TRMT11: variants seen among roughly 807,000 people sequenced by gnomAD.
The protein encoded by TRMT11 is tRNA (guanine(10)-N(2))-methyltransferase TRMT11.
Under a neutral mutation model 62.8 loss-of-function variants are expected in TRMT11, and 53 were observed. The ratio of observed to expected loss-of-function variants is 0.84; its 90% confidence interval spans 0.68 to 1.06. The LOEUF is 1.06. Among genes scored for constraint, TRMT11 ranks in the 50% least tolerant of loss-of-function variants. The probability of loss-of-function intolerance (pLI) is 0.00; values close to 1 mark genes in which losing one functional copy is unlikely to be tolerated. For missense variants in TRMT11, 556 were observed against 553.4 expected (o/e 1.00, Z -0.05); for synonymous variants, 188 against 190.3 (o/e 0.99, Z 0.10).
At chr6:126,002,216 A>G (rs1258700566) in intron 7 of TRMT11, among the ~76,000 whole-genome samples, 1 of 152,208 alleles carries the variant, frequency 6.6e-6, no homozygotes, top group Non-Finnish European at 1.5e-5. Flanking sequence ...ATGTAAGTGC[A>G]TGTGCAAATA....
At chr6:126,069,156 C>G (rs1297191238) in intron 17 of TRMT11, among the ~76,000 whole-genome samples, 1 of 152,240 alleles carries the variant, frequency 6.6e-6, no homozygotes, top group Non-Finnish European at 1.5e-5. Flanking sequence ...CTTGGCTTTG[C>G]CTTAACCACC....
At chr6:126,099,376 A>G (rs891747441) in intron 17 of TRMT11, among the ~76,000 whole-genome samples, 8 of 152,214 alleles carry the variant, frequency 5.3e-5, no homozygotes, top group East Asian at 1.9e-4. Flanking sequence ...TAGTGCATCA[A>G]TCAAAATTTG....
chr6:126,027,027 C>T (rs964104935), intron 12 of TRMT11, among the ~76,000 whole-genome samples: 2 of 151,744 alleles, frequency 1.3e-5, no homozygotes, highest in African/African-American at 2.4e-5. Context: ...AGGATGGTCT[C>T]GATTTCCTGA....
At chr6:126,263,334 T>G in the TRMT11 span, among the ~76,000 whole-genome samples, 1 of 152,358 alleles carries the variant, frequency 6.6e-6, no homozygotes, top group Non-Finnish European at 1.5e-5. Context: ...TCTCCATCGC[T>G]AAGTCTAAAA....
intron 3 of TRMT11, among the ~76,000 whole-genome samples, chr6:125,997,510 G>A (rs772780110): frequency 6.0e-4 from 92 of 152,350 alleles, no homozygotes; most frequent in Middle Eastern, 6.8e-3. Flanking sequence ...GTGTCCATAC[G>A]TGCGCACGCA....
At chr6:126,154,287 G>A (rs1006900967) in intron 21 of TRMT11, among the ~76,000 whole-genome samples, 6 of 151,756 alleles carry the variant, frequency 4.0e-5, no homozygotes, top group African/African-American at 1.5e-4. Flanking sequence ...TTTTATGATG[G>A]TGTTGTCCTG....
At chr6:126,217,979 A>C in the TRMT11 span, among the ~76,000 whole-genome samples, 1 of 151,260 alleles carries the variant, frequency 6.6e-6, no homozygotes, top group Non-Finnish European at 1.5e-5. Context: ...TGTCCTTCCC[A>C]CTCTTCCCTC....
At chr6:126,239,515 T>G in the TRMT11 span, among the ~76,000 whole-genome samples, 1 of 152,198 alleles carries the variant, frequency 6.6e-6, no homozygotes, top group East Asian at 1.9e-4. Context: ...TTCTTTTCTT[T>G]AAGAATGTTG....
chr6:126,109,211 C>G (rs1777498748), intron 17 of TRMT11, among the ~76,000 whole-genome samples: 1 of 152,134 alleles, frequency 6.6e-6, no homozygotes, highest in Non-Finnish European at 1.5e-5. Context: ...ATCTAAAGTA[C>G]AAACTTGTAT....
chr6:126,014,139 A>G (rs1274532601), intron 11 of TRMT11, among the ~76,000 whole-genome samples: 1 of 152,238 alleles, frequency 6.6e-6, no homozygotes, highest in Non-Finnish European at 1.5e-5. Flanking sequence ...ACAAGATGGA[A>G]TGTTTAAATT....
chr6:126,194,136 A>C lies in TRMT11; in HGVS notation n.144-4663A>C, dbSNP rs1778637661. 1.3e-5 allele frequency among the ~76,000 whole-genome samples: 2 copies of C among 152,172 alleles called. 1 individual carries two copies. The highest frequency in any genetic ancestry group is 4.1e-4 in the South Asian group (2 of 4,830). The stretch of plus-strand genomic sequence containing the variant: ...CCATGTGCTGAAGAGAAGTTGGATG[A>C]AGTGGTCTGTAAATGTATGTTAGGT... On this transcript the variant is annotated intron_variant and non_coding_transcript_variant, in intron 1 of 3. Transcript: ENST00000444229.
At chr6:126,157,198 C>T (rs1305595656) in intron 21 of TRMT11, among the ~76,000 whole-genome samples, 6 of 152,174 alleles carry the variant, frequency 3.9e-5, no homozygotes, top group Non-Finnish European at 7.3e-5. Flanking sequence ...GATACCTCGT[C>T]CACACTTCCT....
the TRMT11 span, among the ~76,000 whole-genome samples, chr6:126,213,209 C>T: frequency 2.6e-5 from 4 of 152,148 alleles, no homozygotes; most frequent in South Asian, 8.3e-4. Context: ...ATTGTGATTA[C>T]TCCAGTTTTG....
intron 21 of TRMT11, among the ~76,000 whole-genome samples, chr6:126,133,733 T>G (rs1299889938): frequency 6.6e-6 from 1 of 151,982 alleles, no homozygotes; most frequent in Non-Finnish European, 1.5e-5. Context: ...ATAGGGTATA[T>G]ACAGACAATG....
At chr6:126,179,125 C>G (rs1263440882) in intron 1 of TRMT11, among the ~76,000 whole-genome samples, 1 of 152,104 alleles carries the variant, frequency 6.6e-6, no homozygotes, top group Non-Finnish European at 1.5e-5. Context: ...TATACTATAC[C>G]TCCCAAACTT....
chr6:126,124,986 G>A (rs1777698727), intron 21 of TRMT11, among the ~76,000 whole-genome samples: 3 of 152,090 alleles, frequency 2.0e-5, no homozygotes, highest in Admixed American at 2.0e-4. Flanking sequence ...TATAGGGGTA[G>A]GGAGGGATCA....
the TRMT11 span, among the ~76,000 whole-genome samples, chr6:126,248,997 G>T: frequency 1.3e-5 from 2 of 152,096 alleles, no homozygotes; most frequent in Non-Finnish European, 2.9e-5. Context: ...CAAGGGAAAA[G>T]TATTTTAAAT....
intron 21 of TRMT11, among the ~76,000 whole-genome samples, chr6:126,119,974 G>GT (rs1408877844): frequency 5.3e-5 from 8 of 152,034 alleles, no homozygotes. Context: ...AATTTATGCT[G>GT]TAAAAGTGAC....
chr6:126,160,928 A>C (rs182857753), intron 21 of TRMT11, among the ~76,000 whole-genome samples: 2 of 152,326 alleles, frequency 1.3e-5, no homozygotes, highest in Admixed American at 1.3e-4. Flanking sequence ...AGAAAGAAAT[A>C]AAAGTACAGA....
Sources: gnomAD v4.1 joint callset for allele counts (sites outside exome capture counted in the v4.1 genomes callset) on GRCh38, gnomAD v4.1.1 for gene constraint, MANE v1.5 for transcripts, NCBI Gene and HGNC (gene_info 2026-07-23, HGNC 2026-07-21) for gene names.